AATK: variants seen among roughly 807,000 people sequenced by gnomAD.
AATK encodes lemur tail kinase 1, also known as serine/threonine-protein kinase LMTK1.
A neutral mutation model predicts 114.3 loss-of-function variants in AATK; 91 were observed. The ratio of observed to expected loss-of-function variants is 0.80; its 90% CI spans 0.67 to 0.95. The LOEUF is 0.95. AATK is among the 40% of genes least tolerant of loss of function. AATK has a pLI of 0.00. For synonymous variants in AATK, 1,075 were observed against 916.5 expected (o/e 1.17, Z -3.12); for missense variants, 2,176 against 1,965.2 (o/e 1.11, Z -2.03).
rs761177456 is a variant in AATK at position 81,119,400 on chromosome 17, G to A, written c.4064C>T (p.Ser1355Leu). 3.9e-6 allele frequency: 6 copies of A among 1,554,936 alleles called. No individual in the cohort carries two copies. The highest frequency in any genetic ancestry group is 3.9e-5 in the Admixed American group (2 of 50,682). The change falls in exon 13 of 14, where the codon TCG becomes TTG. Residue 1355 changes from serine (S) to leucine (L), a missense_variant. Coordinates refer to ENST00000326724, the MANE Select transcript of AATK (RefSeq NM_001080395.3). ...CTCACCTCTCTTGGACTCGGCGTCC[G>A]AGTCAGACACGTGCGTGATGGAGAA... ...SRFSITHVSD[S>L]DAESKRGPEA...
At chr17:81,128,850 G>A (rs2060888061) in intron 3 of AATK, 6 of 1,199,278 alleles carry the variant, frequency 5.0e-6, no homozygotes, top group Middle Eastern at 3.7e-4. Context: ...CCCGGAGCTC[G>A]ACCCGTCACA....
chr17:81,123,798 ACAGG>A (rs1568223831), intron 9 of AATK, among the ~76,000 whole-genome samples: 1 of 152,094 alleles, frequency 6.6e-6, no homozygotes, highest in Non-Finnish European at 1.5e-5. Flanking sequence ...GGGCTGGGTA[ACAGG>A]CAGGGGTGCA....
intron 1 of AATK, among the ~76,000 whole-genome samples, chr17:81,156,876 A>G (rs1009064267): frequency 6.6e-6 from 1 of 152,114 alleles, no homozygotes; most frequent in Non-Finnish European, 1.5e-5. Flanking sequence ...CCTGATCGCC[A>G]GTCAGGCACG....
intron 1 of AATK, chr17:81,165,725 C>T: frequency 6.6e-7 from 1 of 1,522,482 alleles, no homozygotes; most frequent in Non-Finnish European, 8.8e-7. Flanking sequence ...ACGCGGGGGA[C>T]GCCAGCCCAC....
At chr17:81,134,178 A>G (rs891914248) in intron 2 of AATK, among the ~76,000 whole-genome samples, 190 bp downstream of exon 2, 2 of 152,172 alleles carry the variant, frequency 1.3e-5, no homozygotes, top group African/African-American at 4.8e-5. Flanking sequence ...AAGCTGGGGC[A>G]GGTCCCTGAG....
At position 81,122,048 on chromosome 17, in the gene AATK, C is replaced by T. The variant is rs1362262198; in HGVS notation, c.1888G>A (p.Gly630Ser). Residue 630 changes from glycine to serine, a missense_variant, in exon 11 of 14, where the codon GGC (glycine) becomes AGC (serine). By Grantham distance (56) the Gly-to-Ser change is moderately conservative (BLOSUM62 0). Transcript: ENST00000326724. ...AEGGAEDADW[G>S]VAAFCPAFFE... The stretch of plus-strand genomic sequence containing the variant: ...AAGGCAGGACAGAAGGCGGCCACGC[C>T]CCAGTCTGCATCCTCCGCTCCTCCC... 1.6e-5 allele frequency: 25 copies of T among 1,596,972 alleles called. No individual in the cohort carries two copies. Among genetic ancestry groups the T allele is most frequent in the Non-Finnish European group, 2.0e-5 (23 of 1,178,472 alleles).
At chr17:81,140,461 C>T (rs1459046832) in intron 1 of AATK, among the ~76,000 whole-genome samples, 1 of 152,230 alleles carries the variant, frequency 6.6e-6, no homozygotes, top group African/African-American at 2.4e-5. Context: ...ACCTCCCGAT[C>T]CTCGAAACTT....
rs995519970 is a variant in AATK at position 81,157,483 on chromosome 17, AC to A, written c.55+8454del. On this transcript the variant is annotated intron_variant, in intron 1 of 13. Transcript: ENST00000326724. Reference sequence around the variant, plus strand: ...CCAGCCCTACTCTCTGCTGCAGGGAACCCCCGCACAGTTCCCGGGGGTTACC... The same window carrying A: ...CCAGCCCTACTCTCTGCTGCAGGGAACCCCGCACAGTTCCCGGGGGTTACC... Among the ~76,000 whole-genome samples, 5 of 151,320 alleles carry A rather than the reference AC, an allele frequency of 3.3e-5. No homozygotes were observed. In the South Asian group the frequency reaches 8.4e-4, roughly 25 times the overall value.
chr17:81,121,741 T>C lies in AATK; in HGVS notation c.2195A>G (p.Gln732Arg). ...GCCTGGCTCCTGGGCAGAGGCTGCCTGGAGCCCAAGCAGAGGCTCTCCAGG... is the reference window on the plus strand; with the variant it reads ...GCCTGGCTCCTGGGCAGAGGCTGCCCGGAGCCCAAGCAGAGGCTCTCCAGG... ...GYPGEPLLGL[Q>R]AASAQEPGCC... is the part of the protein sequence containing the mutation. Residue 732 changes from glutamine (Q) to arginine (R), a missense_variant, in exon 11 of 14, where the codon CAG (glutamine) becomes CGG (arginine). By Grantham distance (43) the Gln-to-Arg change is conservative. Transcript: ENST00000326724. The C allele has an allele frequency of 6.7e-7, 1 of 1,502,642 alleles. No individual in the cohort carries two copies. Among genetic ancestry groups the C allele is most frequent in the Non-Finnish European group, 8.9e-7 (1 of 1,129,292 alleles). 93.1% of individuals were successfully genotyped at this position (1,502,642 alleles called of 1,614,324 possible).
At chr17:81,151,293 C>G (rs1406925983) in intron 1 of AATK, among the ~76,000 whole-genome samples, 2 of 148,408 alleles carry the variant, frequency 1.3e-5, no homozygotes, top group African/African-American at 5.0e-5. Context: ...CCTGTCTCCC[C>G]CACCGACCCC....
chr17:81,138,040 ACGTGCACACAGACCCACACC>A (rs1265218654), intron 1 of AATK, among the ~76,000 whole-genome samples: 3 of 150,644 alleles, frequency 2.0e-5, no homozygotes, highest in African/African-American at 4.9e-5. Context: ...ACCCACACCC[ACGTGCACACAGACCCACACC>A]CGTGCACCCG....
At chr17:81,127,560 C>A in intron 6 of AATK, 23 bp downstream of exon 6, 1 of 1,577,028 alleles carries the variant, frequency 6.3e-7, no homozygotes, top group Non-Finnish European at 8.6e-7. Flanking sequence ...AAGACCCCAG[C>A]ATCCCCCCGG....
At position 81,123,217 on chromosome 17, in the gene AATK, C is replaced by T. The variant is rs1189061665; in HGVS notation, c.1089G>A (p.Leu363=). 2 of 1,426,356 alleles carry T rather than the reference C, an allele frequency of 1.4e-6. No individual in the cohort carries two copies. The highest frequency in any genetic ancestry group is 1.8e-6 in the Non-Finnish European group (2 of 1,091,808). 88.4% of individuals were successfully genotyped at this position (1,426,356 alleles called of 1,614,324 possible). ...EQQLKLPKPQ[L]QLTLSDRWYE... is the part of the protein sequence containing the mutation. ...ACCAGCGGTCCGACAGGGTCAGCTGCAGCTGGGGCTTGGGCAGCTTGAGCT... is the reference window on the plus strand; with the variant it reads ...ACCAGCGGTCCGACAGGGTCAGCTGTAGCTGGGGCTTGGGCAGCTTGAGCT... The change falls in exon 10 of 14, where the codon CTG becomes CTA. Residue 363 remains leucine (L), a synonymous_variant. Coordinates refer to ENST00000326724, the MANE Select transcript of AATK (RefSeq NM_001080395.3).
chr17:81,154,853 C>T lies in AATK; in HGVS notation c.55+11085G>A, dbSNP rs568140284. Among the ~76,000 whole-genome samples, 57 of 109,654 alleles carry T rather than the reference C, an allele frequency of 5.2e-4. 5 individuals are homozygous for T. The highest frequency in any genetic ancestry group is 2.9e-3 in the African/African-American group (55 of 18,842). The allele number at this position is 109,654 out of a possible 152,430, so 71.9% of individuals were successfully genotyped here. On this transcript the variant is annotated intron_variant, in intron 1 of 13. Transcript: ENST00000326724. ...ACATGTTGGCCAGGCTGGTCTCAAA[C>T]TCCTGACCTCAGGTGATCTGCCTGC...
intron 2 of AATK, chr17:81,132,094 T>G (rs1225836463): frequency 4.3e-6 from 5 of 1,163,860 alleles, no homozygotes; most frequent in Non-Finnish European, 5.7e-6. Flanking sequence ...CAGGGCACAT[T>G]CCTGCGCTGA....
intron 6 of AATK, among the ~76,000 whole-genome samples, chr17:81,127,271 C>G (rs1292564930): frequency 6.8e-6 from 1 of 146,954 alleles, no homozygotes; most frequent in Non-Finnish European, 1.5e-5. Context: ...CCAGTGCCCC[C>G]CCCCAGTTGG....
chr17:81,123,986 G>C (rs1260735817), intron 9 of AATK, among the ~76,000 whole-genome samples: 2 of 152,208 alleles, frequency 1.3e-5, no homozygotes, highest in Non-Finnish European at 2.9e-5. Flanking sequence ...CCCAGCCAGC[G>C]TGCAGTGGGT....
intron 1 of AATK, among the ~76,000 whole-genome samples, chr17:81,143,665 T>C (rs2061173165): frequency 6.6e-6 from 1 of 152,144 alleles, no homozygotes; most frequent in African/African-American, 2.4e-5. Flanking sequence ...GCCCCACAGT[T>C]AGCAATCCCC....
chr17:81,163,704 C>G (rs995398678), intron 1 of AATK, among the ~76,000 whole-genome samples: 5 of 152,262 alleles, frequency 3.3e-5, no homozygotes, highest in Non-Finnish European at 5.9e-5. Flanking sequence ...GGTCAGGGGC[C>G]CAGGCAGCCC....
Sources: gnomAD v4.1 joint callset for allele counts (sites outside exome capture counted in the v4.1 genomes callset) on GRCh38, gnomAD v4.1.1 for gene constraint, MANE v1.5 for transcripts, NCBI Gene and HGNC (gene_info 2026-07-23, HGNC 2026-07-21) for gene names.